The following ACSF3 variants were observed in gnomAD, a reference collection of about 807,000 sequenced individuals.
The protein encoded by ACSF3 is acyl-CoA synthetase family member 3.
A neutral mutation model predicts 53.2 loss-of-function variants in ACSF3; 78 were observed. That is an observed-to-expected ratio of 1.47 (90% CI 1.22 to 1.77). The LOEUF is 1.77. Among genes scored for constraint, ACSF3 ranks in the 40% most tolerant of loss-of-function variants. The pLI, the probability that ACSF3 is intolerant of heterozygous loss-of-function variation, is 0.00. For synonymous variants in ACSF3, 414 were observed against 333.1 expected (o/e 1.24, Z -2.65); for missense variants, 937 against 771.1 (o/e 1.22, Z -2.55).
At chr16:89,103,863 G>A (rs1376343082) in intron 4 of ACSF3, among the ~76,000 whole-genome samples, 1 of 152,248 alleles carries the variant, frequency 6.6e-6, no homozygotes, top group Non-Finnish European at 1.5e-5. Flanking sequence ...GCTGGGGTGG[G>A]AGCAGTCATC....
intron 7 of ACSF3, among the ~76,000 whole-genome samples, chr16:89,125,693 A>AG (rs1907870573): frequency 8.1e-6 from 1 of 122,922 alleles, no homozygotes; most frequent in Non-Finnish European, 1.8e-5. Context: ...TGCCTCAAAA[A>AG]AAAAAAGAGA....
intron 9 of ACSF3, 92 bp from the exon 10 acceptor site, chr16:89,145,846 A>G: frequency 9.0e-7 from 1 of 1,113,950 alleles, no homozygotes; most frequent in Non-Finnish European, 1.4e-6. Flanking sequence ...GGCTGCGGCC[A>G]GACTGCGCTC....
chr16:89,143,780 T>TTCCAGAGC (rs1458792955), intron 8 of ACSF3, among the ~76,000 whole-genome samples: 2 of 152,098 alleles, frequency 1.3e-5, no homozygotes, highest in Admixed American at 1.3e-4. Context: ...AGTTCCAGAG[T>TTCCAGAGC]TCCAGAGCTC....
At chr16:89,121,019 G>A in intron 7 of ACSF3, 106 bp downstream of exon 7, 2 of 1,017,656 alleles carry the variant, frequency 2.0e-6, no homozygotes, top group South Asian at 1.4e-5. Flanking sequence ...TCCCCTCCAC[G>A]CAGGGGACCA....
chr16:89,100,921 G>A lies in ACSF3; in HGVS notation c.240G>A (p.Gln80=). ...ELYSRSLRLS[Q]EICRLCGCVG... is the part of the protein sequence containing the mutation. The stretch of plus-strand genomic sequence containing the variant: ...ATTCCCGCAGCCTTCGCCTGTCCCA[G>A]GAGATCTGCAGGCTCTGCGGGTGTG... Residue 80 remains glutamine, a synonymous_variant, in exon 3 of 11, where the codon CAG becomes CAA. Transcript: ENST00000614302. 6.2e-7 allele frequency: 1 copy of A among 1,613,886 alleles called. No homozygotes were observed. The highest frequency in any genetic ancestry group is 8.5e-7 in the Non-Finnish European group (1 of 1,180,042).
At chr16:89,153,990 G>A (rs1327097997) in intron 10 of ACSF3, 100 bp from the exon 11 acceptor site, 10 of 1,266,096 alleles carry the variant, frequency 7.9e-6, no homozygotes, top group Admixed American at 3.9e-5. Context: ...TGGCAAGGCT[G>A]CAGGGTCCCA....
chr16:89,139,777 T>C (rs1414429636), intron 8 of ACSF3, among the ~76,000 whole-genome samples: 2 of 152,106 alleles, frequency 1.3e-5, no homozygotes, highest in African/African-American at 4.8e-5. Flanking sequence ...GTATTTTTAG[T>C]AGAGACGGGG....
chr16:89,101,443 G>A lies in ACSF3; in HGVS notation c.666+96G>A, dbSNP rs1009326803. On this transcript the variant is annotated intron_variant, in intron 3 of 10. Coordinates refer to ENST00000614302, the MANE Select transcript of ACSF3 (RefSeq NM_001243279.3). ...CACATCTTTTCATTCGCTTTTCTGT[G>A]GAGTCATTCACAGTTGTCACCATCC... 82 of 1,540,900 alleles carry A rather than the reference G, an allele frequency of 5.3e-5. No individual in the cohort carries two copies. The Middle Eastern group carries it at 1.4e-3, about 26-fold the overall frequency.
chr16:89,094,108 C>G (rs534369657), intron 1 of ACSF3, 112 bp downstream of exon 1: 3 of 151,328 alleles, frequency 2.0e-5, no homozygotes, highest in African/African-American at 7.2e-5. Context: ...GAGCCGTGGC[C>G]CGTGGCGCGG....
rs537813835 is a variant in ACSF3, at chr16:89,103,007, C to T, written c.822+248C>T. Among the ~76,000 whole-genome samples the T allele has an allele frequency of 1.2e-3, 178 of 152,332 alleles. 2 individuals carry two copies. The highest frequency in any genetic ancestry group is 3.7e-3 in the African/African-American group (153 of 41,568). The stretch of plus-strand genomic sequence containing the variant: ...CCTACGATGCTTTTTGCTATACATA[C>T]GTACCTATGATAAAGCTTAATTTAT... On this transcript the variant is annotated intron_variant, in intron 4 of 10. Coordinates refer to ENST00000614302, the MANE Select transcript of ACSF3 (RefSeq NM_001243279.3).
At position 89,143,681 on chromosome 16, in the gene ACSF3, C is replaced by A. The variant is rs556200798; in HGVS notation, c.1367-1586C>A. Among the ~76,000 whole-genome samples the A allele has an allele frequency of 1.2e-4, 18 of 152,286 alleles. No individual in the cohort carries two copies. In the South Asian group the frequency reaches 1.9e-3, roughly 16 times the overall value. Reference sequence around the variant, plus strand: ...CGCCCACAGCCCAACCTGCACACCCCCTTCCAGCCGCCCAGACTACCCCAG... The same window carrying A: ...CGCCCACAGCCCAACCTGCACACCCACTTCCAGCCGCCCAGACTACCCCAG... On this transcript the variant is annotated intron_variant, in intron 8 of 10. Coordinates refer to ENST00000614302, the MANE Select transcript of ACSF3 (RefSeq NM_001243279.3).
intron 7 of ACSF3, among the ~76,000 whole-genome samples, chr16:89,124,361 T>C (rs1156913803): frequency 1.3e-5 from 2 of 150,614 alleles, no homozygotes; most frequent in Non-Finnish European, 1.5e-5. Flanking sequence ...GTGATACCCC[T>C]GTGCACACTG....
At chr16:89,100,090 A>G (rs1326421708) in intron 2 of ACSF3, among the ~76,000 whole-genome samples, 3 of 152,054 alleles carry the variant, frequency 2.0e-5, no homozygotes, top group Non-Finnish European at 4.4e-5. Flanking sequence ...GCAGTGAGCC[A>G]TGATTGCATC....
intron 4 of ACSF3, among the ~76,000 whole-genome samples, chr16:89,104,196 CTGCCCGTATAATG>C (rs987930787): frequency 6.6e-6 from 1 of 152,234 alleles, no homozygotes; most frequent in Non-Finnish European, 1.5e-5. Context: ...TTACCAGCCT[CTGCCCGTATAATG>C]AATATGCCTT....
intron 10 of ACSF3, chr16:89,148,917 G>C (rs988707235): frequency 6.6e-6 from 1 of 152,174 alleles, no homozygotes; most frequent in Non-Finnish European, 1.5e-5. Flanking sequence ...TTAATATTCA[G>C]CTCCTCTTTA....
chr16:89,104,577 G>C (rs1197484166), intron 4 of ACSF3, among the ~76,000 whole-genome samples: 1 of 152,168 alleles, frequency 6.6e-6, no homozygotes, highest in Non-Finnish European at 1.5e-5. Flanking sequence ...CCAGGAAGGG[G>C]TCCCTGCAAG....
chr16:89,103,108 C>A (rs1975561319), intron 4 of ACSF3, among the ~76,000 whole-genome samples: 1 of 152,226 alleles, frequency 6.6e-6, no homozygotes, highest in Non-Finnish European at 1.5e-5. Context: ...TGTGAAAGTG[C>A]TCTCTCTCTT....
At position 89,120,994 on chromosome 16, in the gene ACSF3, C is replaced by T. The variant is rs146927532; in HGVS notation, c.1239+81C>T. ...AGGGTGGTTACACTGGTGCATCTTT[C>T]CCCTGGAGGCAGACTCCCCTCCACG... is the stretch of plus-strand genomic sequence containing the variant. On this transcript the variant is annotated intron_variant, in intron 7 of 10. Coordinates refer to ENST00000614302, the MANE Select transcript of ACSF3 (RefSeq NM_001243279.3). 1.9e-3 allele frequency: 2,393 copies of T among 1,282,298 alleles called. 42 individuals carry two copies. The African/African-American group carries it at 0.032, about 17-fold the overall frequency. 79.4% of individuals were successfully genotyped at this position (1,282,298 alleles called of 1,614,324 possible).
At chr16:89,098,546 G>C (rs575704599) in intron 1 of ACSF3, 45 bp from the exon 2 acceptor site, 1 of 425,800 alleles carries the variant, frequency 2.3e-6, no homozygotes, top group South Asian at 1.6e-5. Flanking sequence ...TGTGGGAAGC[G>C]TTATACACAC....
Sources: allele counts gnomAD v4.1 joint callset (sites outside exome capture counted in the v4.1 genomes callset), GRCh38; gene constraint gnomAD v4.1.1; transcripts MANE v1.5; gene names NCBI Gene and HGNC (gene_info 2026-07-23, HGNC 2026-07-21).